FBXL17: variants seen among roughly 807,000 people sequenced by gnomAD.
The protein encoded by FBXL17 is F-box and leucine rich repeat protein 17.
Under a neutral mutation model 66.2 loss-of-function variants are expected in FBXL17, and 22 were observed. The observed-to-expected ratio is 0.33, with a 90% CI of 0.24 to 0.47. The LOEUF (loss-of-function observed/expected upper bound fraction) is 0.47. FBXL17 is among the 20% of genes least tolerant of loss of function. The pLI, the probability that FBXL17 is intolerant of heterozygous loss-of-function variation, is 1.00. For missense variants in FBXL17, 878 were observed against 948.2 expected (o/e 0.93, Z 0.97); for synonymous variants, 474 against 400.5 (o/e 1.18, Z -2.19).
chr5:107,932,292 A>G (rs1750762416), intron 7 of FBXL17, among the ~76,000 whole-genome samples: 1 of 152,190 alleles, frequency 6.6e-6, no homozygotes, highest in Non-Finnish European at 1.5e-5. Context: ...TCTCATTGGT[A>G]TAATTTATCT....
intron 4 of FBXL17, among the ~76,000 whole-genome samples, chr5:108,246,343 ATAAG>A (rs1259730522): frequency 4.6e-5 from 7 of 152,136 alleles, no homozygotes; most frequent in African/African-American, 1.7e-4. Context: ...TCAAAAGTAA[ATAAG>A]TAAATAAGCA....
intron 6 of FBXL17, among the ~76,000 whole-genome samples, chr5:108,084,239 A>T (rs958326405): frequency 6.6e-6 from 1 of 152,232 alleles, no homozygotes; most frequent in Non-Finnish European, 1.5e-5. Context: ...ACCCTTCATT[A>T]GTCAGAGGAT....
intron 4 of FBXL17, among the ~76,000 whole-genome samples, chr5:108,268,167 G>A (rs1757120431): frequency 6.6e-6 from 1 of 151,948 alleles, no homozygotes; most frequent in African/African-American, 2.4e-5. Context: ...GGAAATTAAA[G>A]AGCTACATGA....
At position 107,955,553 on chromosome 5, in the gene FBXL17, G is replaced by A. The variant is rs914071578; in HGVS notation, c.1822+65372C>T. Among the ~76,000 whole-genome samples the A allele has an allele frequency of 2.6e-5, 4 of 152,124 alleles. No homozygotes were observed. In the South Asian group the frequency reaches 6.2e-4, roughly 24 times the overall value. ...ATGAGATCATCCTATTGATAAGGTC[G>A]CAATCGATCTGAAGCAGACCTTTTT... is the stretch of plus-strand genomic sequence containing the variant. On this transcript the variant is annotated intron_variant, in intron 7 of 8. Coordinates refer to ENST00000542267, the MANE Select transcript of FBXL17 (RefSeq NM_001163315.3).
At chr5:108,283,962 A>T (rs146121882) in intron 4 of FBXL17, among the ~76,000 whole-genome samples, 93 of 152,192 alleles carry the variant, frequency 6.1e-4, no homozygotes, top group African/African-American at 2.2e-3. Context: ...ATCATCAGAG[A>T]AATGCAAAGC....
chr5:108,021,593 A>C (rs1435537947), intron 6 of FBXL17, among the ~76,000 whole-genome samples: 1 of 151,700 alleles, frequency 6.6e-6, no homozygotes, highest in Non-Finnish European at 1.5e-5. Flanking sequence ...GGTTTAGGCC[A>C]TTTTAACAAT....
intron 4 of FBXL17, among the ~76,000 whole-genome samples, chr5:108,315,734 A>C (rs116776613): frequency 9.6e-4 from 146 of 151,658 alleles, no homozygotes; most frequent in African/African-American, 3.5e-3. Context: ...AAAACAACTG[A>C]AATTAGGCTT....
At chr5:108,202,988 CAA>C (rs1753960900) in intron 5 of FBXL17, among the ~76,000 whole-genome samples, 1 of 152,020 alleles carries the variant, frequency 6.6e-6, no homozygotes, top group South Asian at 2.1e-4. Flanking sequence ...AATTATACAA[CAA>C]AGAGTAAACA....
chr5:108,114,357 T>C (rs1207420725), intron 6 of FBXL17, among the ~76,000 whole-genome samples: 8 of 151,790 alleles, frequency 5.3e-5, no homozygotes, highest in Non-Finnish European at 1.0e-4. Context: ...TTCCAAATTA[T>C]TATAAATTCA....
At chr5:108,361,020 G>A (rs1483432016) in intron 3 of FBXL17, among the ~76,000 whole-genome samples, 3 of 151,760 alleles carry the variant, frequency 2.0e-5, no homozygotes, top group Non-Finnish European at 4.4e-5. Context: ...TTTCCTTTAT[G>A]TCTTTGAGCA....
Position 108,124,895 on chromosome 5 carries a change from T to C in FBXL17, c.1745+61222A>G, listed in dbSNP as rs145667785. ...GACATAGTAAAAAATTTAGCTAACA[T>C]AGCTTTACAACTTCACAATTTAACC... On this transcript the variant is annotated intron_variant, in intron 6 of 8. Transcript: ENST00000542267. Among the ~76,000 whole-genome samples the C allele has an allele frequency of 6.7e-3, 1,015 of 152,116 alleles. 18 individuals are homozygous for C. Among genetic ancestry groups the C allele is most frequent in the African/African-American group, 0.023 (943 of 41,554 alleles).
chr5:107,914,849 G>A (rs1010678080), intron 7 of FBXL17, among the ~76,000 whole-genome samples: 7 of 152,290 alleles, frequency 4.6e-5, no homozygotes, highest in African/African-American at 1.7e-4. Context: ...ACTGTGAACT[G>A]TTGCTCCAAA....
intron 6 of FBXL17, among the ~76,000 whole-genome samples, chr5:108,099,998 T>C (rs1749539558): frequency 6.6e-6 from 1 of 152,238 alleles, no homozygotes; most frequent in Non-Finnish European, 1.5e-5. Flanking sequence ...GTAATGTTTT[T>C]AGCATTGTTT....
chr5:108,283,855 C>G (rs1177888965), intron 4 of FBXL17, among the ~76,000 whole-genome samples: 1 of 151,466 alleles, frequency 6.6e-6, no homozygotes, highest in African/African-American at 2.4e-5. Context: ...CTACAAATAA[C>G]CCCATTTAAA....
intron 7 of FBXL17, among the ~76,000 whole-genome samples, chr5:107,923,692 A>C (rs1750399740): frequency 6.6e-6 from 1 of 152,168 alleles, no homozygotes; most frequent in South Asian, 2.1e-4. Flanking sequence ...ATTGTTCCCT[A>C]AAACACTAGG....
At chr5:108,246,765 T>C (rs1756116724) in intron 4 of FBXL17, among the ~76,000 whole-genome samples, 1 of 152,214 alleles carries the variant, frequency 6.6e-6, no homozygotes, top group Admixed American at 6.5e-5. Context: ...ATCAGTTAAT[T>C]TGGCAAAAGA....
chr5:107,926,915 G>A (rs1482916375), intron 7 of FBXL17, among the ~76,000 whole-genome samples: 1 of 151,864 alleles, frequency 6.6e-6, no homozygotes, highest in Non-Finnish European at 1.5e-5. Context: ...CTTGAATTTT[G>A]TTTAAAGACA....
At chr5:107,861,903 A>G (rs372146267) in intron 8 of FBXL17, 43 bp from the exon 9 acceptor site, 9 of 1,430,696 alleles carry the variant, frequency 6.3e-6, no homozygotes, top group Non-Finnish European at 9.3e-7. Flanking sequence ...GAGACCACCA[A>G]CACCACGCCG....
chr5:107,984,879 G>A (rs1156874994), intron 7 of FBXL17, among the ~76,000 whole-genome samples: 1 of 151,782 alleles, frequency 6.6e-6, no homozygotes, highest in East Asian at 1.9e-4. Flanking sequence ...TGCATTTTGG[G>A]GCAAAAAGGA....
Sources: allele counts gnomAD v4.1 joint callset (sites outside exome capture counted in the v4.1 genomes callset), GRCh38; gene constraint gnomAD v4.1.1; transcripts MANE v1.5; gene names NCBI Gene and HGNC (gene_info 2026-07-23, HGNC 2026-07-21).